KCNMA1: variants seen among roughly 807,000 people sequenced by gnomAD.
The protein encoded by KCNMA1 is Calcium-activated potassium channel subunit alpha-1.
Under a neutral mutation model 140.0 loss-of-function variants are expected in KCNMA1, and 29 were observed. The ratio of observed to expected loss-of-function variants is 0.21; its 90% CI spans 0.15 to 0.28. KCNMA1 has a LOEUF of 0.28. Ranked by LOEUF, KCNMA1 falls within the 10% of genes least tolerant of loss-of-function variation. The pLI, the probability that KCNMA1 is intolerant of heterozygous loss-of-function variation, is 1.00. For missense variants in KCNMA1, 880 were observed against 1,602.2 expected (o/e 0.55, Z 7.70); for synonymous variants, 612 against 611.9 (o/e 1.00, Z 0.00).
At chr10:76,996,856 T>C (rs1043698494) in intron 19 of KCNMA1, among the ~76,000 whole-genome samples, 1 of 152,186 alleles carries the variant, frequency 6.6e-6, no homozygotes. Flanking sequence ...TTGGGGAATT[T>C]GAGGAAGTCA....
At chr10:77,568,397 G>T (rs1274196171) in intron 1 of KCNMA1, among the ~76,000 whole-genome samples, 1 of 152,146 alleles carries the variant, frequency 6.6e-6, no homozygotes, top group Non-Finnish European at 1.5e-5. Flanking sequence ...TGATCAAGTC[G>T]GCTTCATCCC....
At chr10:77,520,141 G>A (rs1041329903) in intron 1 of KCNMA1, among the ~76,000 whole-genome samples, 56 of 84,084 alleles carry the variant, frequency 6.7e-4, no homozygotes, top group South Asian at 1.7e-3. Flanking sequence ...GTGTGAGGGT[G>A]TGCAGTGTGA....
intron 19 of KCNMA1, among the ~76,000 whole-genome samples, chr10:76,987,747 A>G (rs1351421483): frequency 1.3e-5 from 2 of 152,202 alleles, no homozygotes; most frequent in African/African-American, 2.4e-5. Flanking sequence ...GAGAATTGTT[A>G]GATGATGGAT....
At chr10:77,354,978 A>G (rs530821452) in intron 2 of KCNMA1, among the ~76,000 whole-genome samples, 9 of 152,302 alleles carry the variant, frequency 5.9e-5, no homozygotes, top group African/African-American at 2.2e-4. Context: ...GTCCCCACCC[A>G]AATCTCATCT....
At chr10:77,124,570 T>C (rs957323653) in intron 5 of KCNMA1, among the ~76,000 whole-genome samples, 10 of 152,082 alleles carry the variant, frequency 6.6e-5, no homozygotes, top group African/African-American at 2.4e-4. Flanking sequence ...CAGAGGGAAA[T>C]ATCTCCTTGC....
intron 13 of KCNMA1, chr10:77,078,187 G>C (rs2096458105): frequency 6.6e-6 from 1 of 152,190 alleles, no homozygotes; most frequent in Non-Finnish European, 1.5e-5. Flanking sequence ...CCATAAGAGG[G>C]GGTACGCTGT....
intron 5 of KCNMA1, among the ~76,000 whole-genome samples, chr10:77,151,774 AT>A (rs1390609465): frequency 1.3e-5 from 2 of 152,188 alleles, no homozygotes; most frequent in Non-Finnish European, 2.9e-5. Flanking sequence ...TTGTGCAATG[AT>A]TTCTTTTTAT....
At chr10:77,377,695 G>A (rs1304014861) in intron 2 of KCNMA1, among the ~76,000 whole-genome samples, 1 of 152,214 alleles carries the variant, frequency 6.6e-6, no homozygotes, top group Admixed American at 6.5e-5. Flanking sequence ...AGGCCTCTAA[G>A]AGTGTGAAAG....
intron 2 of KCNMA1, among the ~76,000 whole-genome samples, chr10:77,254,156 A>G (rs1218633661): frequency 2.6e-5 from 4 of 152,128 alleles, no homozygotes; most frequent in African/African-American, 9.7e-5. Flanking sequence ...TAAGTATTTA[A>G]CATATCCTAT....
intron 1 of KCNMA1, chr10:77,636,370 G>A (rs1411686351): frequency 7.8e-6 from 12 of 1,533,492 alleles, no homozygotes; most frequent in Non-Finnish European, 1.0e-5. Context: ...GCCGGTGGGC[G>A]TCTGCACCAG....
chr10:76,940,960 CGAAA>C (rs149461756), intron 23 of KCNMA1, among the ~76,000 whole-genome samples: 23 of 118,218 alleles, frequency 1.9e-4, no homozygotes, highest in East Asian at 5.1e-4. Flanking sequence ...GACTCTACCT[CGAAA>C]GAAAGAAAGA....
intron 1 of KCNMA1, among the ~76,000 whole-genome samples, chr10:77,597,553 G>T (rs7071160): frequency 0.3 from 46,252 of 152,006 alleles, 7,293 homozygotes; most frequent in Non-Finnish European, 0.36. Flanking sequence ...AGAGGCAGGG[G>T]ACAAGAATGT....
In KCNMA1 at chr10:77,353,975, G is replaced by T. The variant is rs1328302983; in HGVS notation, c.540+49887C>A. ...TGGCATCCTGCCTCTTTTTTTGGGG[G>T]GGGGGGTGGTGGGGGTGGAGGGGTG... On this transcript the variant is annotated intron_variant, in intron 2 of 27. Coordinates refer to ENST00000286628, the MANE Select transcript of KCNMA1 (RefSeq NM_001161352.2). 9.0e-5 allele frequency among the ~76,000 whole-genome samples: 13 copies of T among 144,596 alleles called. 1 individual carries two copies. In the East Asian group the frequency reaches 2.1e-3, roughly 23 times the overall value. The allele number at this position is 144,596 out of a possible 152,430, so 94.9% of individuals were successfully genotyped here.
At chr10:77,418,946 G>A (rs1452990802) in intron 1 of KCNMA1, among the ~76,000 whole-genome samples, 7 of 152,192 alleles carry the variant, frequency 4.6e-5, no homozygotes, top group African/African-American at 1.7e-4. Flanking sequence ...TACAAATACA[G>A]ATTTTAACCA....
chr10:77,180,817 T>C (rs770656902), intron 5 of KCNMA1, among the ~76,000 whole-genome samples: 9 of 152,228 alleles, frequency 5.9e-5, no homozygotes, highest in Non-Finnish European at 1.0e-4. Context: ...ATGTATCTCA[T>C]TAGAAATTCA....
chr10:77,043,073 C>T (rs190187737), intron 14 of KCNMA1, among the ~76,000 whole-genome samples: 97 of 152,278 alleles, frequency 6.4e-4, no homozygotes, highest in Non-Finnish European at 1.6e-4. Context: ...AATCAAAATG[C>T]TTGAGGACTG....
At chr10:77,052,832 T>A (rs2095418076) in intron 14 of KCNMA1, among the ~76,000 whole-genome samples, 1 of 152,132 alleles carries the variant, frequency 6.6e-6, no homozygotes. Context: ...AGACCCATGC[T>A]TTTTAGAAAG....
chr10:77,033,294 C>G (rs1211019554), intron 15 of KCNMA1, among the ~76,000 whole-genome samples: 1 of 152,168 alleles, frequency 6.6e-6, no homozygotes, highest in Non-Finnish European at 1.5e-5. Flanking sequence ...TTCCAAGACT[C>G]AGCACCAAGA....
At chr10:77,104,163 G>C (rs1453260768) in intron 9 of KCNMA1, among the ~76,000 whole-genome samples, 1 of 152,170 alleles carries the variant, frequency 6.6e-6, no homozygotes, top group Non-Finnish European at 1.5e-5. Flanking sequence ...ATCAATGTGA[G>C]GATTCTGAAA....
Sources: gnomAD v4.1 joint callset for allele counts (sites outside exome capture counted in the v4.1 genomes callset) on GRCh38, gnomAD v4.1.1 for gene constraint, MANE v1.5 for transcripts, NCBI Gene and HGNC (gene_info 2026-07-23, HGNC 2026-07-21) for gene names.